The following CAMK1D variants were observed in gnomAD, a reference collection of about 807,000 sequenced individuals.
The protein encoded by CAMK1D is calcium/calmodulin-dependent protein kinase type 1D.
Under a neutral mutation model 47.7 loss-of-function variants are expected in CAMK1D, and 9 were observed. The ratio of observed to expected loss-of-function variants is 0.19; its 90% CI spans 0.11 to 0.33. CAMK1D has a LOEUF of 0.33. CAMK1D is among the 10% of genes least tolerant of loss of function. CAMK1D has a pLI of 1.00. For missense variants in CAMK1D, 291 were observed against 488.7 expected (o/e 0.60, Z 3.81); for synonymous variants, 184 against 184.9 (o/e 0.99, Z 0.04).
intron 2 of CAMK1D, among the ~76,000 whole-genome samples, chr10:12,663,700 T>C (rs755614426): frequency 1.3e-5 from 2 of 152,110 alleles, no homozygotes; most frequent in Non-Finnish European, 2.9e-5. Flanking sequence ...GAATGAATAA[T>C]GAAAAGAGGA....
chr10:12,790,519 T>G (rs1837932917), intron 5 of CAMK1D, among the ~76,000 whole-genome samples: 1 of 152,176 alleles, frequency 6.6e-6, no homozygotes, highest in Non-Finnish European at 1.5e-5. Flanking sequence ...TGTGTTACAG[T>G]GCTTAGTACG....
chr10:12,804,878 C>T (rs1838649245), intron 6 of CAMK1D, among the ~76,000 whole-genome samples: 1 of 123,582 alleles, frequency 8.1e-6, no homozygotes, highest in South Asian at 2.5e-4. Flanking sequence ...TTCAAGGCTG[C>T]AGTGAGCTAT....
At position 12,814,285 on chromosome 10, in the gene CAMK1D, C is replaced by T. The variant is rs977525780; in HGVS notation, c.732C>T (p.Tyr244=). Residue 244 remains tyrosine (Y), a synonymous_variant, in exon 7 of 11, where the codon TAC becomes TAT. Coordinates refer to ENST00000619168, the MANE Select transcript of CAMK1D (RefSeq NM_153498.4). ...CGGAATATGAGTTTGACTCTCCCTA[C>T]TGGGATGACATCTCCGACTCTGGTA... ...LKAEYEFDSP[Y]WDDISDSAKD... 1.2e-6 allele frequency: 2 copies of T among 1,612,246 alleles called. No homozygotes were observed. The highest frequency in any genetic ancestry group is 2.7e-5 in the African/African-American group (2 of 74,902).
chr10:12,527,237 T>C (rs1330001387), intron 1 of CAMK1D, among the ~76,000 whole-genome samples: 1 of 151,880 alleles, frequency 6.6e-6, no homozygotes, highest in Non-Finnish European at 1.5e-5. Flanking sequence ...GGCCCTTCCA[T>C]CTGACTCTTC....
In CAMK1D at chr10:12,766,106, C is replaced by T. The variant is rs1020861140; in HGVS notation, c.439-3567C>T. Among the ~76,000 whole-genome samples, 5 of 151,874 alleles carry T rather than the reference C, an allele frequency of 3.3e-5. No individual in the cohort carries two copies. The South Asian group carries it at 8.3e-4, about 25-fold the overall frequency. On this transcript the variant is annotated intron_variant, in intron 4 of 10. Transcript: ENST00000619168. ...TCAGCCTCCCTAGTAGCTGGGATTA[C>T]GGGCATGTGCCACCACGCCCGGCTA... is the stretch of plus-strand genomic sequence containing the variant.
chr10:12,573,014 C>A (rs918224954), intron 2 of CAMK1D, among the ~76,000 whole-genome samples: 1 of 152,136 alleles, frequency 6.6e-6, no homozygotes, highest in African/African-American at 2.4e-5. Flanking sequence ...AGGAGGGAGG[C>A]GAGTGTTTAA....
chr10:12,745,175 C>A (rs141631667), intron 3 of CAMK1D, among the ~76,000 whole-genome samples: 2,574 of 152,096 alleles, frequency 0.017, 77 homozygotes, highest in African/African-American at 0.058. Context: ...GGACTACAGG[C>A]ACCCACCACC....
chr10:12,502,031 GAGGGCAGGCAGCCACC>G (rs71877000), intron 1 of CAMK1D, among the ~76,000 whole-genome samples: 2,682 of 152,166 alleles, frequency 0.018, 50 homozygotes, highest in East Asian at 0.044. Context: ...CAGCTGCAGG[GAGGGCAGGCAGCCACC>G]AGGGCAGGCA....
chr10:12,703,802 G>A (rs1177341919), intron 3 of CAMK1D, among the ~76,000 whole-genome samples: 4 of 151,514 alleles, frequency 2.6e-5, no homozygotes, highest in African/African-American at 7.3e-5. Flanking sequence ...CTGGGAGGCG[G>A]AGGTTGCAGT....
At chr10:12,461,863 G>C (rs992007563) in intron 1 of CAMK1D, among the ~76,000 whole-genome samples, 1 of 152,164 alleles carries the variant, frequency 6.6e-6, no homozygotes, top group African/African-American at 2.4e-5. Context: ...ATCTTTGGAG[G>C]AGGAAGTTTG....
At chr10:12,659,258 A>T (rs1840205483) in intron 2 of CAMK1D, among the ~76,000 whole-genome samples, 1 of 152,206 alleles carries the variant, frequency 6.6e-6, no homozygotes, top group Admixed American at 6.5e-5. Flanking sequence ...TACTACAGGG[A>T]GCCAGTGCTG....
intron 1 of CAMK1D, among the ~76,000 whole-genome samples, chr10:12,543,949 G>GC (rs1355415774): frequency 1.3e-5 from 2 of 152,192 alleles, no homozygotes; most frequent in Non-Finnish European, 2.9e-5. Context: ...GAAGTTAAAA[G>GC]CCTAAGTAGT....
intron 1 of CAMK1D, among the ~76,000 whole-genome samples, chr10:12,423,365 C>T (rs935818905): frequency 6.6e-6 from 1 of 152,072 alleles, no homozygotes; most frequent in Non-Finnish European, 1.5e-5. Context: ...AAGTAGAAAA[C>T]ATTTACTGGG....
chr10:12,386,527 A>G (rs1315634142), intron 1 of CAMK1D, among the ~76,000 whole-genome samples: 1 of 152,222 alleles, frequency 6.6e-6, no homozygotes, highest in African/African-American at 2.4e-5. Context: ...ACTGTGGCAC[A>G]TCAATATTAT....
At chr10:12,482,145 T>A (rs1367017139) in intron 1 of CAMK1D, among the ~76,000 whole-genome samples, 1 of 152,212 alleles carries the variant, frequency 6.6e-6, no homozygotes, top group Non-Finnish European at 1.5e-5. Flanking sequence ...ATTACCTCTT[T>A]AATCCTCTTA....
intron 3 of CAMK1D, among the ~76,000 whole-genome samples, chr10:12,723,456 G>T (rs1834483841): frequency 6.6e-6 from 1 of 152,250 alleles, no homozygotes; most frequent in East Asian, 1.9e-4. Flanking sequence ...AAAAGGAGGG[G>T]AAGGTTATCT....
chr10:12,664,673 A>T (rs990836813), intron 2 of CAMK1D, among the ~76,000 whole-genome samples: 1 of 152,234 alleles, frequency 6.6e-6, no homozygotes, highest in South Asian at 2.1e-4. Flanking sequence ...TAGATTTAGC[A>T]CGTGAAAATA....
intron 8 of CAMK1D, among the ~76,000 whole-genome samples, chr10:12,819,507 G>C (rs1028390350): frequency 6.6e-6 from 1 of 152,206 alleles, no homozygotes; most frequent in Non-Finnish European, 1.5e-5. Flanking sequence ...TCAGCCCTTT[G>C]GGCTGCCCCT....
At chr10:12,441,090 G>A (rs769616039) in intron 1 of CAMK1D, among the ~76,000 whole-genome samples, 9 of 152,178 alleles carry the variant, frequency 5.9e-5, no homozygotes, top group Non-Finnish European at 1.0e-4. Flanking sequence ...ATACCCTTTC[G>A]TCCTCCAATC....
Sources: gnomAD v4.1 joint callset for allele counts (sites outside exome capture counted in the v4.1 genomes callset) on GRCh38, gnomAD v4.1.1 for gene constraint, MANE v1.5 for transcripts, NCBI Gene and HGNC (gene_info 2026-07-23, HGNC 2026-07-21) for gene names.